Variants in ZIM2 observed in about 807,000 individuals in gnomAD.
ZIM2 encodes the protein zinc finger imprinted 2, also known as zinc finger protein 656.
Under a neutral mutation model 38.6 loss-of-function variants are expected in ZIM2, and 14 were observed. The ratio of observed to expected loss-of-function variants is 0.36; its 90% CI spans 0.24 to 0.57. ZIM2 has a LOEUF of 0.57. Ranked by LOEUF, ZIM2 falls within the 20% of genes least tolerant of loss-of-function variation. The pLI is 0.81. For missense variants in ZIM2, 680 were observed against 695.1 expected (o/e 0.98, Z 0.24); for synonymous variants, 247 against 245.8 (o/e 1.00, Z -0.04).
intron 9 of ZIM2, among the ~76,000 whole-genome samples, chr19:56,796,771 G>A (rs2047251740): frequency 6.6e-6 from 1 of 152,186 alleles, no homozygotes; most frequent in African/African-American, 2.4e-5. Flanking sequence ...CCCCAAAAGA[G>A]GGTTCTTGGA....
intron 9 of ZIM2, among the ~76,000 whole-genome samples, chr19:56,790,739 G>T (rs1568575011): frequency 6.6e-6 from 1 of 152,248 alleles, no homozygotes; most frequent in East Asian, 1.9e-4. Context: ...AAAAGACATA[G>T]TATATATAGG....
intron 5 of ZIM2, 87 bp downstream of exon 5, chr19:56,823,503 T>A: frequency 6.6e-7 from 1 of 1,523,008 alleles, no homozygotes; most frequent in Non-Finnish European, 9.1e-7. Flanking sequence ...GCGGGTCATC[T>A]TCATGGAGGC....
At chr19:56,831,842 T>G (rs1406318108) in intron 2 of ZIM2, among the ~76,000 whole-genome samples, 1 of 152,240 alleles carries the variant, frequency 6.6e-6, no homozygotes, top group Non-Finnish European at 1.5e-5. Flanking sequence ...ATACTTATGT[T>G]GTTCTTACTG....
intron 3 of ZIM2, chr19:56,824,870 G>A (rs1406958889): frequency 1.3e-5 from 7 of 536,040 alleles, no homozygotes; most frequent in East Asian, 8.9e-5. Context: ...GCAAACAACC[G>A]CACAAAGTTG....
intron 9 of ZIM2, chr19:56,815,950 C>T: frequency 1.3e-6 from 2 of 1,596,102 alleles, no homozygotes; most frequent in Non-Finnish European, 1.7e-6. Flanking sequence ...AACAGACCTA[C>T]TGTATTCCCT....
intron 1 of ZIM2, among the ~76,000 whole-genome samples, chr19:56,836,969 CAAAAAAAAAAAAAAAAAAAAAAA>C (rs573566620): frequency 8.5e-6 from 1 of 116,986 alleles, no homozygotes. Context: ...GACTCTGTCT[CAAAAAAAAAAAAAAAAAAAAAAA>C]AAAAAAAAAA....
intron 11 of ZIM2, among the ~76,000 whole-genome samples, chr19:56,779,917 A>G (rs1462843849): frequency 6.6e-6 from 1 of 152,210 alleles, no homozygotes; most frequent in African/African-American, 2.4e-5. Context: ...GATAACGTCC[A>G]CTGCCCCTTT....
intron 5 of ZIM2, 122 bp downstream of exon 5, chr19:56,823,468 G>T: frequency 9.4e-7 from 1 of 1,066,966 alleles, no homozygotes; most frequent in South Asian, 1.4e-5. Context: ...TCAGATCTCT[G>T]AGTGAAGCTG....
intron 9 of ZIM2, chr19:56,816,006 A>G (rs761056901): frequency 6.3e-7 from 1 of 1,587,996 alleles, no homozygotes. Context: ...GATGGTTGAT[A>G]GCATCGAAGC....
At chr19:56,821,601 G>A (rs748842216) in intron 7 of ZIM2, 50 bp downstream of exon 7, 22 of 1,602,332 alleles carry the variant, frequency 1.4e-5, no homozygotes, top group South Asian at 1.1e-5. Context: ...AGGCGTCTCT[G>A]CCATGAAATG....
Position 56,814,875 on chromosome 19 carries a change from C to A in ZIM2, c.490+2871G>T, listed in dbSNP as rs1399685506. ...CATCACACCCCTTCATGGAATACAA[C>A]TGGTCTTGTTCATGGATTCTCTGAT... On this transcript the variant is annotated intron_variant, in intron 9 of 12. Coordinates refer to ENST00000629319, the MANE Select transcript of ZIM2 (RefSeq NM_001387356.1). The surrounding 1 kb of genome is among the most constrained non-coding windows in gnomAD (Gnocchi z 5.8). The A allele has an allele frequency of 1.2e-6, 2 of 1,614,176 alleles. No individual in the cohort carries two copies. Among genetic ancestry groups the A allele is most frequent in the Non-Finnish European group, 1.7e-6 (2 of 1,180,028 alleles).
chr19:56,782,255 T>A lies in ZIM2; in HGVS notation c.571-134A>T, dbSNP rs1405525831. 2.2e-5 allele frequency: 27 copies of A among 1,233,014 alleles called. 1 individual carries two copies. The highest frequency in any genetic ancestry group is 1.0e-4 in the Admixed American group (4 of 39,382). 76.4% of individuals were successfully genotyped at this position (1,233,014 alleles called of 1,614,324 possible). On this transcript the variant is annotated intron_variant, in intron 10 of 12. Transcript: ENST00000629319. ...TGGCATTGCATCTTTCTTTGTCTTA[T>A]CGAGTCTGAGAGAAGTGGGAACATT...
At chr19:56,808,572 C>T (rs2047881641) in intron 9 of ZIM2, among the ~76,000 whole-genome samples, 5 of 151,832 alleles carry the variant, frequency 3.3e-5, no homozygotes, top group Admixed American at 3.3e-4. Context: ...TGGTACCAGT[C>T]CTGGCTTCTT....
intron 9 of ZIM2, chr19:56,811,227 AAAT>A: frequency 3.1e-6 from 3 of 966,806 alleles, no homozygotes; most frequent in Non-Finnish European, 1.2e-6. Context: ...AAATTTAAGA[AAAT>A]AATGCTCAAC....
intron 9 of ZIM2, chr19:56,810,834 ATAATT>A (rs1722932315): frequency 6.2e-6 from 6 of 970,182 alleles, no homozygotes; most frequent in Non-Finnish European, 7.4e-6. Context: ...ATTTTTTAAA[ATAATT>A]TACTTTATTT....
chr19:56,809,585 G>A (rs1014330161), intron 9 of ZIM2, among the ~76,000 whole-genome samples: 2 of 152,118 alleles, frequency 1.3e-5, no homozygotes, highest in East Asian at 1.9e-4. Flanking sequence ...GATGTTTCTC[G>A]TGGGGAAGTC....
intron 2 of ZIM2, among the ~76,000 whole-genome samples, chr19:56,830,551 C>T (rs1358518012): frequency 2.0e-5 from 3 of 152,204 alleles, no homozygotes; most frequent in Non-Finnish European, 4.4e-5. Flanking sequence ...ACAGCTATAC[C>T]ACAACTACAA....
intron 2 of ZIM2, chr19:56,833,593 C>T: frequency 5.4e-6 from 1 of 183,494 alleles, no homozygotes; most frequent in Admixed American, 5.4e-5. Context: ...GGTTCTCAAA[C>T]TCAGATGTGC....
chr19:56,779,774 G>A (rs1035657406), intron 11 of ZIM2, among the ~76,000 whole-genome samples: 23 of 152,038 alleles, frequency 1.5e-4, no homozygotes, highest in Admixed American at 1.5e-3. Flanking sequence ...TGTCAAGAGT[G>A]CCAAGGTTGA....
Sources: gnomAD v4.1 joint callset for allele counts (sites outside exome capture counted in the v4.1 genomes callset) on GRCh38, gnomAD v4.1.1 for gene constraint, Gnocchi (gnomAD v3.1) non-coding constraint, MANE v1.5 for transcripts, NCBI Gene and HGNC (gene_info 2026-07-23, HGNC 2026-07-21) for gene names.